PRKG1: variants seen among roughly 807,000 people sequenced by gnomAD.
PRKG1 encodes the protein protein kinase cGMP-dependent 1, also known as cGMP-dependent protein kinase 1.
A neutral mutation model predicts 88.1 loss-of-function variants in PRKG1; 35 were observed. The ratio of observed to expected loss-of-function variants is 0.40; its 90% CI spans 0.30 to 0.53. PRKG1 has a LOEUF of 0.53. PRKG1 is among the 20% of genes least tolerant of loss of function. The pLI, the probability that PRKG1 is intolerant of heterozygous loss-of-function variation, is 0.59. For missense variants in PRKG1, 540 were observed against 839.8 expected (o/e 0.64, Z 4.41); for synonymous variants, 303 against 292.5 (o/e 1.04, Z -0.37).
chr10:51,059,759 C>G (rs947137158), intron 1 of PRKG1, among the ~76,000 whole-genome samples: 2 of 152,076 alleles, frequency 1.3e-5, no homozygotes, highest in Non-Finnish European at 2.9e-5. Flanking sequence ...ATAAATATCC[C>G]TATGCACTAG....
intron 5 of PRKG1, among the ~76,000 whole-genome samples, chr10:51,979,023 T>A (rs1382981494): frequency 6.6e-6 from 1 of 152,102 alleles, no homozygotes; most frequent in East Asian, 1.9e-4. Flanking sequence ...AGAGACAGCA[T>A]CTTTGTCTTG....
intron 5 of PRKG1, among the ~76,000 whole-genome samples, chr10:51,986,383 C>A (rs1379486280): frequency 6.6e-6 from 1 of 152,100 alleles, no homozygotes; most frequent in East Asian, 1.9e-4. Context: ...TCACATAGAA[C>A]ACATAAGATA....
chr10:51,697,840 A>G (rs1280564051), intron 3 of PRKG1: 43 of 1,614,020 alleles, frequency 2.7e-5, no homozygotes, highest in Non-Finnish European at 3.6e-5. Flanking sequence ...GATCCTGTGG[A>G]GTGACCTGGC....
intron 3 of PRKG1, among the ~76,000 whole-genome samples, chr10:51,733,098 T>A (rs1368433516): frequency 1.3e-5 from 2 of 152,140 alleles, no homozygotes; most frequent in Non-Finnish European, 2.9e-5. Flanking sequence ...CTCTTTCTCT[T>A]GTCTCTTCTT....
intron 6 of PRKG1, among the ~76,000 whole-genome samples, chr10:52,055,117 C>G (rs2133255879): frequency 6.6e-6 from 1 of 152,284 alleles, no homozygotes. Context: ...GCCTGGGTAA[C>G]AGAGCAAGAC....
At chr10:51,897,482 T>A (rs1391484037) in intron 4 of PRKG1, among the ~76,000 whole-genome samples, 2 of 152,198 alleles carry the variant, frequency 1.3e-5, no homozygotes, top group Non-Finnish European at 2.9e-5. Flanking sequence ...TCAGATGTTT[T>A]GGCTTATAGA....
chr10:51,602,732 ATGTGTGTGTGTGTGTGTGTGTGTG>A (rs4041278), intron 3 of PRKG1, among the ~76,000 whole-genome samples: 11 of 128,920 alleles, frequency 8.5e-5, no homozygotes, highest in Admixed American at 5.9e-4. Context: ...ATTAATATAT[ATGTGTGTGTGTGTGTGTGTGTGTG>A]TGTGTGTGTG....
chr10:51,910,812 G>A (rs959006370), intron 5 of PRKG1: 2 of 152,200 alleles, frequency 1.3e-5, no homozygotes, highest in African/African-American at 4.8e-5. Flanking sequence ...ATTTAAACAG[G>A]GCAAGGAGGA....
At chr10:52,213,406 G>C (rs971317213) in intron 9 of PRKG1, among the ~76,000 whole-genome samples, 3 of 152,162 alleles carry the variant, frequency 2.0e-5, no homozygotes, top group Admixed American at 6.5e-5. Context: ...CTAACATGCA[G>C]ACTCAATGCA....
chr10:51,807,894 C>T (rs1249549591), intron 4 of PRKG1, among the ~76,000 whole-genome samples: 2 of 152,078 alleles, frequency 1.3e-5, no homozygotes, highest in African/African-American at 4.8e-5. Flanking sequence ...AATGAGAAGC[C>T]AGAGACAGGA....
intron 3 of PRKG1, among the ~76,000 whole-genome samples, chr10:51,719,087 T>C (rs188525117): frequency 1.3e-3 from 198 of 152,008 alleles, no homozygotes; most frequent in South Asian, 2.5e-3. Flanking sequence ...GAGTTCAAGA[T>C]TGCAGTGAGA....
At position 50,991,325 on chromosome 10, in the gene PRKG1, C is replaced by CGCCGCT. The variant is rs1376661528; in HGVS notation, c.-49_-48insTGCCGC. ...CTGCCGTCCCAGCCGCCGCCGCCGC[C>CGCCGCT]GCCGCCGCCGCCGCCGCCCGAGAAA... On this transcript the variant is annotated 5_prime_UTR_variant, in exon 1 of 18. Transcript: ENST00000401604. The surrounding 1 kb of genome is among the most constrained non-coding windows in gnomAD (Gnocchi z 4.5). The CGCCGCT allele has an allele frequency of 1.0e-5, 15 of 1,483,674 alleles. No homozygotes were observed. Among genetic ancestry groups the CGCCGCT allele is most frequent in the Admixed American group, 7.4e-5 (3 of 40,346 alleles). The allele number at this position is 1,483,674 out of a possible 1,614,324, so 91.9% of individuals were successfully genotyped here.
chr10:51,840,954 T>A (rs904215268), intron 4 of PRKG1, among the ~76,000 whole-genome samples: 2 of 152,216 alleles, frequency 1.3e-5, no homozygotes, highest in African/African-American at 4.8e-5. Context: ...AATATAGGGT[T>A]TTATTTTTAT....
chr10:51,980,195 TTTCAAAGAACTTCTTGA>T (rs1843970896), intron 5 of PRKG1, among the ~76,000 whole-genome samples: 1 of 152,206 alleles, frequency 6.6e-6, no homozygotes, highest in Admixed American at 6.5e-5. Context: ...TTCTCATTAG[TTTCAAAGAACTTCTTGA>T]TTTCTACCTT....
At position 51,153,201 on chromosome 10, in the gene PRKG1, G is replaced by A; in HGVS notation, c.349G>A (p.Asp117Asn). The A allele has an allele frequency of 6.2e-7, 1 of 1,612,344 alleles. No individual in the cohort carries two copies. Among genetic ancestry groups the A allele is most frequent in the Non-Finnish European group, 8.5e-7 (1 of 1,178,856 alleles). ...DLIKEAILDN[D>N]FMKNLELSQI... is the part of the protein sequence containing the mutation. ...TATAAAGGAAGCTATCCTTGACAATGACTTTATGAAGAACTTGGAGCTGTC... is the reference window on the plus strand; with the variant it reads ...TATAAAGGAAGCTATCCTTGACAATAACTTTATGAAGAACTTGGAGCTGTC... Residue 117 changes from aspartate (D) to asparagine (N), a missense_variant, in exon 2 of 18, where the codon GAC (aspartate) becomes AAC (asparagine). By Grantham distance (23) the Asp-to-Asn change is conservative. Coordinates refer to ENST00000373980, the MANE Select transcript of PRKG1 (RefSeq NM_006258.4).
chr10:51,758,115 A>T (rs925961913), intron 3 of PRKG1, among the ~76,000 whole-genome samples: 4 of 152,212 alleles, frequency 2.6e-5, no homozygotes, highest in African/African-American at 9.6e-5. Flanking sequence ...AAAGCCTAGG[A>T]TGTAGGAAAC....
chr10:51,376,890 T>G (rs1842828892), intron 2 of PRKG1, among the ~76,000 whole-genome samples: 1 of 152,192 alleles, frequency 6.6e-6, no homozygotes, highest in Admixed American at 6.5e-5. Flanking sequence ...TTGGCCAGAC[T>G]GTTTTTGAAC....
intron 3 of PRKG1, among the ~76,000 whole-genome samples, chr10:51,631,236 A>G (rs1420002750): frequency 6.6e-6 from 1 of 152,182 alleles, no homozygotes; most frequent in African/African-American, 2.4e-5. Context: ...GAAACTCTCC[A>G]GTTACATTTG....
chr10:52,281,055 AT>A, intron 13 of PRKG1, 125 bp downstream of exon 13: 5 of 1,114,660 alleles, frequency 4.5e-6, no homozygotes, highest in Non-Finnish European at 6.3e-6. Context: ...TTAAAAGCAG[AT>A]TTTAGCATTA....
Sources: gnomAD v4.1 joint callset for allele counts (sites outside exome capture counted in the v4.1 genomes callset) on GRCh38, gnomAD v4.1.1 for gene constraint, Gnocchi (gnomAD v3.1) non-coding constraint, MANE v1.5 for transcripts, NCBI Gene and HGNC (gene_info 2026-07-23, HGNC 2026-07-21) for gene names.